The following ENOX1 variants were observed in gnomAD, a reference collection of about 807,000 sequenced individuals.
ENOX1 encodes the protein candidate growth-related and time keeping constitutive hydroquinone (NADH) oxidase.
A neutral mutation model predicts 82.5 loss-of-function variants in ENOX1; 42 were observed. The ratio of observed to expected loss-of-function variants is 0.51; its 90% confidence interval spans 0.40 to 0.66. The LOEUF is 0.66. Among genes scored for constraint, ENOX1 ranks in the 30% least tolerant of loss-of-function variants. ENOX1 has a pLI of 0.00. For missense variants in ENOX1, 608 were observed against 811.6 expected, an observed-to-expected ratio of 0.75 and a Z score of 3.05; for synonymous variants, 271 against 282.2, an observed-to-expected ratio of 0.96 and a Z score of 0.40.
intron 2 of ENOX1, among the ~76,000 whole-genome samples, chr13:43,528,453 A>T (rs2078074817): frequency 6.6e-6 from 1 of 152,106 alleles, no homozygotes; most frequent in Non-Finnish European, 1.5e-5. Context: ...CATTATTATA[A>T]TCTCACCAAA....
chr13:43,782,403 T>A (rs1337206169), intron 1 of ENOX1, among the ~76,000 whole-genome samples: 1 of 151,252 alleles, frequency 6.6e-6, no homozygotes, highest in Non-Finnish European at 1.5e-5. Context: ...GGAAAATAGA[T>A]TTTTTTTAAA....
intron 13 of ENOX1, among the ~76,000 whole-genome samples, chr13:43,267,948 CTCTT>C (rs764362726): frequency 4.4e-4 from 67 of 152,242 alleles, no homozygotes; most frequent in Non-Finnish European, 2.9e-4. Flanking sequence ...TCTTCACGTT[CTCTT>C]TTTTTTAAAA....
At chr13:43,558,856 A>G (rs2079549994) in intron 2 of ENOX1, among the ~76,000 whole-genome samples, 1 of 152,182 alleles carries the variant, frequency 6.6e-6, no homozygotes, top group South Asian at 2.1e-4. Flanking sequence ...TGGGACTGAA[A>G]TATCTTTCTG....
At chr13:43,528,938 T>A (rs1012636792) in intron 2 of ENOX1, among the ~76,000 whole-genome samples, 30 of 152,106 alleles carry the variant, frequency 2.0e-4, no homozygotes, top group African/African-American at 6.5e-4. Context: ...ATTTATTTGA[T>A]AATTGCCTTG....
chr13:43,603,749 G>A (rs2081850702), intron 2 of ENOX1, among the ~76,000 whole-genome samples: 1 of 118,158 alleles, frequency 8.5e-6, no homozygotes, highest in African/African-American at 3.7e-5. Context: ...AGTATTCCAT[G>A]GTGTATATGT....
intron 14 of ENOX1, among the ~76,000 whole-genome samples, chr13:43,239,741 A>C (rs1217842252): frequency 6.6e-6 from 1 of 152,234 alleles, no homozygotes. Context: ...CAAAGAGAAC[A>C]GTTAAAGTTA....
At chr13:43,359,669 G>T in intron 7 of ENOX1, 182 bp downstream of exon 7, 2 of 598,002 alleles carry the variant, frequency 3.3e-6, no homozygotes. Flanking sequence ...CTCCTGCAGT[G>T]AAGTACCTTC....
At chr13:43,498,131 C>A (rs1401296759) in intron 2 of ENOX1, among the ~76,000 whole-genome samples, 1 of 151,992 alleles carries the variant, frequency 6.6e-6, no homozygotes, top group Non-Finnish European at 1.5e-5. Flanking sequence ...AGAGCTTCTC[C>A]AGCCCTTACT....
At chr13:43,702,616 G>C (rs1016465217) in intron 1 of ENOX1, among the ~76,000 whole-genome samples, 2 of 152,112 alleles carry the variant, frequency 1.3e-5, no homozygotes, top group Admixed American at 6.5e-5. Flanking sequence ...GTGATTAAGT[G>C]ATGAGGACAG....
chr13:43,301,610 G>A (rs1484217753), intron 11 of ENOX1, among the ~76,000 whole-genome samples: 3 of 148,654 alleles, frequency 2.0e-5, no homozygotes, highest in Non-Finnish European at 3.0e-5. Flanking sequence ...CAATACCATA[G>A]CAAATTCCAT....
At chr13:43,615,158 A>T (rs1216532056) in intron 2 of ENOX1, among the ~76,000 whole-genome samples, 1 of 152,226 alleles carries the variant, frequency 6.6e-6, no homozygotes, top group Non-Finnish European at 1.5e-5. Context: ...TCCAATTACT[A>T]TATGTATAGG....
At chr13:43,470,344 A>ATATATATATG in intron 3 of ENOX1, among the ~76,000 whole-genome samples, 1 of 11,542 alleles carries the variant, frequency 8.7e-5, no homozygotes, top group Admixed American at 1.3e-3. Context: ...ATATATACGT[A>ATATATATATG]TATATATATG....
At chr13:43,484,999 G>A (rs972377959) in intron 2 of ENOX1, among the ~76,000 whole-genome samples, 1 of 152,144 alleles carries the variant, frequency 6.6e-6, no homozygotes, top group African/African-American at 2.4e-5. Flanking sequence ...GCCCATCCAT[G>A]TGACCCACAG....
chr13:43,631,014 C>T (rs1007556429), intron 2 of ENOX1, among the ~76,000 whole-genome samples: 3 of 152,072 alleles, frequency 2.0e-5, no homozygotes, highest in Admixed American at 1.3e-4. Flanking sequence ...GCTTTATTCA[C>T]TTAACATAAT....
intron 1 of ENOX1, among the ~76,000 whole-genome samples, chr13:43,707,762 A>C (rs2087412400): frequency 6.7e-6 from 1 of 150,114 alleles, no homozygotes; most frequent in African/African-American, 2.5e-5. Flanking sequence ...AAAAACCAAG[A>C]ACAAAGTAGA....
intron 2 of ENOX1, among the ~76,000 whole-genome samples, chr13:43,536,134 T>C (rs1158809634): frequency 2.6e-5 from 4 of 152,212 alleles, no homozygotes; most frequent in African/African-American, 9.6e-5. Context: ...ACCCAAATGA[T>C]TATTTTTAAG....
At chr13:43,505,182 C>T (rs1040395096) in intron 2 of ENOX1, among the ~76,000 whole-genome samples, 8 of 151,894 alleles carry the variant, frequency 5.3e-5, no homozygotes, top group Non-Finnish European at 1.2e-4. Context: ...AATCGGATCA[C>T]ATCAACTTAT....
At chr13:43,469,370 T>G (rs1484449463) in intron 3 of ENOX1, among the ~76,000 whole-genome samples, 1 of 152,056 alleles carries the variant, frequency 6.6e-6, no homozygotes, top group East Asian at 1.9e-4. Flanking sequence ...GCTAGTATCT[T>G]GCTGAGAATT....
chr13:43,460,787 C>T (rs1367989457), intron 3 of ENOX1, among the ~76,000 whole-genome samples: 1 of 89,552 alleles, frequency 1.1e-5, no homozygotes, highest in Non-Finnish European at 2.0e-5. Context: ...GAGCGAGACT[C>T]CATCTCAAAA....
Sources: allele counts gnomAD v4.1 joint callset (sites outside exome capture counted in the v4.1 genomes callset), GRCh38; gene constraint gnomAD v4.1.1; transcripts MANE v1.5; gene names NCBI Gene and HGNC (gene_info 2026-07-23, HGNC 2026-07-21).